HRH1: variants seen among roughly 807,000 people sequenced by gnomAD.
HRH1 encodes histamine receptor H1.
In HRH1, 6 loss-of-function variants were observed where a neutral mutation model predicts 10.3. That is an observed-to-expected ratio of 0.58 (90% CI 0.32 to 1.15). HRH1 has a LOEUF of 1.15. Ranked by LOEUF, HRH1 falls within the 50% of genes most tolerant of loss-of-function variation. The probability of loss-of-function intolerance (pLI) is 0.05; values close to 1 mark genes in which losing one functional copy is unlikely to be tolerated. For synonymous variants in HRH1, 242 were observed against 236.7 expected (o/e 1.02, Z -0.21); for missense variants, 514 against 615.3 (o/e 0.84, Z 1.74).
chr3:11,259,439 G>A lies in HRH1; in HGVS notation c.402G>A (p.Arg134=), dbSNP rs745380624. The A allele has an allele frequency of 6.2e-7, 1 of 1,613,762 alleles. No homozygotes were observed. Among genetic ancestry groups the A allele is most frequent in the Admixed American group, 1.7e-5 (1 of 59,972 alleles). ...DRYRSVQQPL[R]YLKYRTKTRA... is the part of the protein sequence containing the mutation. ...ACCGCTCTGTCCAGCAGCCCCTCAG[G>A]TACCTTAAGTATCGTACCAAGACCC... is the stretch of plus-strand genomic sequence containing the variant. The change falls in exon 2 of 2, where the codon AGG becomes AGA. Residue 134 remains arginine, a synonymous_variant. Coordinates refer to ENST00000431010, the MANE Select transcript of HRH1 (RefSeq NM_001098212.2). This position sits in a 1 kb window ranked among gnomAD's most constrained non-coding sequence, Gnocchi z 4.6.
chr3:11,220,098 T>C (rs1938656538), intron 1 of HRH1, among the ~76,000 whole-genome samples: 1 of 152,154 alleles, frequency 6.6e-6, no homozygotes, highest in Non-Finnish European at 1.5e-5. Flanking sequence ...TTAAGCTCTC[T>C]AAGACTCAAT....
intron 1 of HRH1, among the ~76,000 whole-genome samples, chr3:11,222,612 G>A (rs1938742747): frequency 6.6e-6 from 1 of 152,152 alleles, no homozygotes; most frequent in African/African-American, 2.4e-5. Context: ...CCACTGAGAA[G>A]AAGAAGATGG....
chr3:11,236,908 C>G (rs1176942469), intron 1 of HRH1, among the ~76,000 whole-genome samples: 1 of 152,208 alleles, frequency 6.6e-6, no homozygotes, highest in African/African-American at 2.4e-5. Context: ...TGGGAGCTCT[C>G]TCTTATAAAT....
At chr3:11,181,589 TATC>T (rs1309836417) in intron 1 of HRH1, among the ~76,000 whole-genome samples, 2 of 151,924 alleles carry the variant, frequency 1.3e-5, no homozygotes, top group Non-Finnish European at 2.9e-5. Flanking sequence ...ACCATTTATA[TATC>T]TTCTTTGAAG....
chr3:11,149,267 G>A (rs891758228), intron 1 of HRH1, among the ~76,000 whole-genome samples: 5 of 152,176 alleles, frequency 3.3e-5, no homozygotes, highest in African/African-American at 1.2e-4. Context: ...TAGCCACTGT[G>A]TATAGCTTTT....
chr3:11,202,404 C>CAATAAATTA, intron 1 of HRH1, among the ~76,000 whole-genome samples: 1 of 140,622 alleles, frequency 7.1e-6, no homozygotes, highest in Admixed American at 7.2e-5. Context: ...GACTCCATCT[C>CAATAAATTA]AATAAATAAA....
At chr3:11,161,367 T>G (rs1936918656) in intron 1 of HRH1, among the ~76,000 whole-genome samples, 2 of 152,244 alleles carry the variant, frequency 1.3e-5, no homozygotes, top group African/African-American at 4.8e-5. Context: ...TTGCTAGCTT[T>G]TCTTTGTTCC....
intron 1 of HRH1, among the ~76,000 whole-genome samples, chr3:11,187,344 C>A (rs188818426): frequency 6.6e-6 from 1 of 152,042 alleles, no homozygotes; most frequent in African/African-American, 2.4e-5. Context: ...GAAAATCTGT[C>A]CGTAATTTTT....
chr3:11,256,672 G>A (rs370195368), intron 1 of HRH1, among the ~76,000 whole-genome samples: 5 of 151,824 alleles, frequency 3.3e-5, no homozygotes, highest in African/African-American at 9.7e-5. Context: ...GGTGGTGGGC[G>A]CATGTAATCC....
chr3:11,165,202 A>C (rs1308415967), intron 1 of HRH1, among the ~76,000 whole-genome samples: 1 of 152,192 alleles, frequency 6.6e-6, no homozygotes. Context: ...CTGTGCTGCA[A>C]AGCCCCTCAA....
intron 1 of HRH1, among the ~76,000 whole-genome samples, chr3:11,249,122 C>T (rs1208042017): frequency 5.3e-5 from 8 of 152,010 alleles, no homozygotes; most frequent in African/African-American, 1.7e-4. Flanking sequence ...TAGGGCTGGG[C>T]GCGGTGGCTC....
chr3:11,140,002 A>T (rs1559248432), intron 1 of HRH1, among the ~76,000 whole-genome samples: 1 of 152,232 alleles, frequency 6.6e-6, no homozygotes, highest in Non-Finnish European at 1.5e-5. Flanking sequence ...CTCATAAAAA[A>T]AATTTTTTTT....
At chr3:11,193,566 T>C (rs1937589097) in intron 1 of HRH1, among the ~76,000 whole-genome samples, 1 of 151,966 alleles carries the variant, frequency 6.6e-6, no homozygotes, top group Admixed American at 6.6e-5. Context: ...TCACTCTGTC[T>C]TCACATGGTG....
chr3:11,194,104 G>A (rs770964807), intron 1 of HRH1, among the ~76,000 whole-genome samples: 10 of 152,168 alleles, frequency 6.6e-5, no homozygotes, highest in South Asian at 2.1e-4. Flanking sequence ...AAGCATGTGC[G>A]TAGGGATAAA....
chr3:11,182,603 G>A (rs1469644387), intron 1 of HRH1, among the ~76,000 whole-genome samples: 1 of 152,180 alleles, frequency 6.6e-6, no homozygotes, highest in Non-Finnish European at 1.5e-5. Flanking sequence ...TCTGGAATGA[G>A]CGCAGCTGCG....
At chr3:11,178,810 C>T (rs1025975179) in intron 1 of HRH1, among the ~76,000 whole-genome samples, 3 of 152,096 alleles carry the variant, frequency 2.0e-5, no homozygotes, top group South Asian at 2.1e-4. Context: ...TCTGGGGTGG[C>T]GTCTGGGAAA....
At chr3:11,196,172 G>C (rs1484818057) in intron 1 of HRH1, among the ~76,000 whole-genome samples, 1 of 152,160 alleles carries the variant, frequency 6.6e-6, no homozygotes, top group African/African-American at 2.4e-5. Context: ...CTCTCCACAC[G>C]ATCTTGCATG....
chr3:11,191,365 G>C (rs1426092493), intron 1 of HRH1, among the ~76,000 whole-genome samples: 1 of 152,168 alleles, frequency 6.6e-6, no homozygotes, highest in Non-Finnish European at 1.5e-5. Flanking sequence ...AAGGGTCTTA[G>C]CGAAGGAAAT....
At chr3:11,202,129 C>T (rs996979868) in intron 1 of HRH1, among the ~76,000 whole-genome samples, 1 of 152,110 alleles carries the variant, frequency 6.6e-6, no homozygotes, top group Non-Finnish European at 1.5e-5. Flanking sequence ...TGAGGCTGGC[C>T]GCTGTAGCTC....
Sources: allele counts gnomAD v4.1 joint callset (sites outside exome capture counted in the v4.1 genomes callset), GRCh38; gene constraint gnomAD v4.1.1; non-coding constraint Gnocchi (gnomAD v3.1); transcripts MANE v1.5; gene names NCBI Gene and HGNC (gene_info 2026-07-23, HGNC 2026-07-21).